The following MYBL2 variants were observed in gnomAD, a reference collection of about 807,000 sequenced individuals.
MYBL2 encodes the protein MYB proto-oncogene like 2, also known as myb-related protein B.
A neutral mutation model predicts 79.9 loss-of-function variants in MYBL2; 28 were observed. That is an observed-to-expected ratio of 0.35 (90% confidence interval 0.26 to 0.48). The LOEUF (loss-of-function observed/expected upper bound fraction) is 0.48. MYBL2 is among the 20% of genes least tolerant of loss of function. The pLI, the probability that MYBL2 is intolerant of heterozygous loss-of-function variation, is 0.99. For synonymous variants in MYBL2, 378 were observed against 361.2 expected (o/e 1.05, Z -0.53); for missense variants, 735 against 893.9 (o/e 0.82, Z 2.27).
intron 1 of MYBL2, among the ~76,000 whole-genome samples, chr20:43,670,781 A>C (rs775413035): frequency 6.6e-6 from 1 of 152,150 alleles, no homozygotes; most frequent in African/African-American, 2.4e-5. Context: ...CATTTGTTTC[A>C]TTTCCAAACA....
chr20:43,695,182 T>A (rs1987506247), intron 6 of MYBL2, among the ~76,000 whole-genome samples: 2 of 151,948 alleles, frequency 1.3e-5, no homozygotes, highest in Non-Finnish European at 2.9e-5. Context: ...ACTGGGATTA[T>A]AGGCATTCGC....
chr20:43,715,875 C>T, intron 13 of MYBL2, 84 bp from the exon 14 acceptor site: 10 of 1,497,208 alleles, frequency 6.7e-6, no homozygotes, highest in Non-Finnish European at 8.0e-6. Flanking sequence ...GCTTATAACT[C>T]TACCCTTCCC....
At chr20:43,714,914 C>T (rs1199265547) in intron 12 of MYBL2, among the ~76,000 whole-genome samples, 1 of 152,202 alleles carries the variant, frequency 6.6e-6, no homozygotes, top group Non-Finnish European at 1.5e-5. Flanking sequence ...CAGGCGTGAG[C>T]CACCGCTCCT....
intron 3 of MYBL2, among the ~76,000 whole-genome samples, chr20:43,682,256 G>A (rs905071606): frequency 2.0e-5 from 3 of 152,020 alleles, no homozygotes; most frequent in Admixed American, 6.5e-5. Flanking sequence ...TACCACATTC[G>A]AGTATTTAGA....
intron 5 of MYBL2, 105 bp downstream of exon 5, chr20:43,687,177 C>A: frequency 8.4e-7 from 1 of 1,194,888 alleles, no homozygotes; most frequent in Non-Finnish European, 1.2e-6. Context: ...TGCTCTTGTT[C>A]TGTAACACCC....
At chr20:43,683,126 T>C (rs1987182321) in intron 4 of MYBL2, among the ~76,000 whole-genome samples, 1 of 152,198 alleles carries the variant, frequency 6.6e-6, no homozygotes, top group African/African-American at 2.4e-5. Context: ...ATTACTCGGC[T>C]TCTCTTGTTC....
chr20:43,687,955 T>C (rs949218863), intron 5 of MYBL2, among the ~76,000 whole-genome samples: 2 of 144,924 alleles, frequency 1.4e-5, no homozygotes, highest in African/African-American at 5.1e-5. Flanking sequence ...GAGGTTGCAG[T>C]GAGCCGAGAT....
chr20:43,706,856 C>T (rs539585710), intron 9 of MYBL2, among the ~76,000 whole-genome samples: 2 of 150,738 alleles, frequency 1.3e-5, no homozygotes, highest in South Asian at 2.1e-4. Context: ...GCTGGGATTA[C>T]AGGCACGCGC....
chr20:43,715,117 C>G lies in MYBL2; in HGVS notation c.1825-17C>G. On this transcript the variant is annotated splice_polypyrimidine_tract_variant and intron_variant, in intron 12 of 13. Coordinates refer to ENST00000217026, the MANE Select transcript of MYBL2 (RefSeq NM_002466.4). ...TTCTCGCAAAATGGTGACTCCTTGA[C>G]TTGGTTTTGGTTTCAGCCGACAACT... 1 of 1,613,560 alleles carries G rather than the reference C, an allele frequency of 6.2e-7. No homozygotes were observed. The highest frequency in any genetic ancestry group is 8.5e-7 in the Non-Finnish European group (1 of 1,179,542).
At chr20:43,680,158 G>A (rs1395401613) in intron 2 of MYBL2, among the ~76,000 whole-genome samples, 8 of 152,146 alleles carry the variant, frequency 5.3e-5, no homozygotes, top group Non-Finnish European at 1.0e-4. Context: ...AGCCTCCCGA[G>A]TAGCTGGGAT....
At chr20:43,681,143 A>C (rs908885256) in intron 2 of MYBL2, among the ~76,000 whole-genome samples, 1 of 152,124 alleles carries the variant, frequency 6.6e-6, no homozygotes. Flanking sequence ...CTATTTTGAT[A>C]GATACTAGCC....
chr20:43,710,586 AAC>A (rs1987883325), intron 10 of MYBL2, among the ~76,000 whole-genome samples: 2 of 152,166 alleles, frequency 1.3e-5, no homozygotes, highest in Admixed American at 1.3e-4. Flanking sequence ...GGCTTTCTGA[AAC>A]ACACAGGTGT....
At chr20:43,697,146 A>G (rs1041891865) in intron 6 of MYBL2, among the ~76,000 whole-genome samples, 4 of 152,220 alleles carry the variant, frequency 2.6e-5, no homozygotes, top group Admixed American at 6.5e-5. Context: ...GGTGGTATAT[A>G]GGACTGCTTG....
chr20:43,697,312 A>G (rs1340801231), intron 6 of MYBL2, among the ~76,000 whole-genome samples: 1 of 152,176 alleles, frequency 6.6e-6, no homozygotes, highest in Non-Finnish European at 1.5e-5. Context: ...TAATTGACAA[A>G]TAAATTGCAT....
In MYBL2 at chr20:43,714,964, G is replaced by C. The variant is rs1345001742; in HGVS notation, c.1825-170G>C. Reference sequence around the variant, plus strand: ...TCTTTTAAGTATAAAGTAAGCTTAAGCTCATGTAAACTCCCTATCTGAAAG... The same window carrying C: ...TCTTTTAAGTATAAAGTAAGCTTAACCTCATGTAAACTCCCTATCTGAAAG... On this transcript the variant is annotated intron_variant, in intron 12 of 13. Coordinates refer to ENST00000217026, the MANE Select transcript of MYBL2 (RefSeq NM_002466.4). Among the ~76,000 whole-genome samples the C allele has an allele frequency of 2.6e-5, 4 of 152,312 alleles. 1 individual carries two copies. Among genetic ancestry groups the C allele is most frequent in the Admixed American group, 2.0e-4 (3 of 15,296 alleles).
chr20:43,715,318 TG>T lies in MYBL2; in HGVS notation c.1974+36del, dbSNP rs765891238. The T allele has an allele frequency of 8.2e-4, 1,326 of 1,613,138 alleles. 2 individuals carry two copies. Among genetic ancestry groups the T allele is most frequent in the Non-Finnish European group, 1.1e-3 (1,248 of 1,179,490 alleles). On this transcript the variant is annotated intron_variant, in intron 13 of 13. Transcript: ENST00000217026. ...GTGGCCATCTCTGGGGGTCCTGCAG[TG>T]CCCGCCTTCTTAGCTCAGGGCTGAG...
chr20:43,706,705 CAA>C lies in MYBL2; in HGVS notation c.1505+1359_1505+1360del, dbSNP rs796756025. On this transcript the variant is annotated intron_variant, in intron 9 of 13. Coordinates refer to ENST00000217026, the MANE Select transcript of MYBL2 (RefSeq NM_002466.4). ...AATATAGGGAGACCCTGTCTGTACA[CAA>C]AAAAAAAAAAAGTTTTTTTTTTTTT... 1.3e-3 allele frequency among the ~76,000 whole-genome samples: 48 copies of C among 38,086 alleles called. 2 individuals are homozygous for C. The South Asian group carries it at 0.041, about 33-fold the overall frequency. 25.0% of individuals were successfully genotyped at this position (38,086 alleles called of 152,430 possible).
At chr20:43,707,710 T>C (rs1987822302) in intron 9 of MYBL2, among the ~76,000 whole-genome samples, 1 of 152,156 alleles carries the variant, frequency 6.6e-6, no homozygotes, top group Non-Finnish European at 1.5e-5. Context: ...AGAGAGTCTC[T>C]TTAGTTATCC....
chr20:43,698,639 A>G (rs1327721102), intron 6 of MYBL2, among the ~76,000 whole-genome samples: 4 of 148,582 alleles, frequency 2.7e-5, no homozygotes, highest in South Asian at 4.3e-4. Context: ...CGGCCTCCCA[A>G]TGTGCTGGGA....
Sources: allele counts gnomAD v4.1 joint callset (sites outside exome capture counted in the v4.1 genomes callset), GRCh38; gene constraint gnomAD v4.1.1; transcripts MANE v1.5; gene names NCBI Gene and HGNC (gene_info 2026-07-23, HGNC 2026-07-21).